The following ADK variants were observed in gnomAD, a reference collection of about 807,000 sequenced individuals.
The protein encoded by ADK is adenosine kinase.
Under a neutral mutation model 44.7 loss-of-function variants are expected in ADK, and 24 were observed. That is an observed-to-expected ratio of 0.54 (90% CI 0.39 to 0.76). The LOEUF (loss-of-function observed/expected upper bound fraction) is 0.76, where lower values mean the gene tolerates loss of function less well. Ranked by LOEUF, ADK falls within the 30% of genes least tolerant of loss-of-function variation. The pLI, the probability that ADK is intolerant of heterozygous loss-of-function variation, is 0.00. For missense variants in ADK, 321 were observed against 425.1 expected (o/e 0.76, Z 2.15); for synonymous variants, 128 against 142.6 (o/e 0.90, Z 0.73).
chr10:74,548,659 A>G (rs1259462966), intron 7 of ADK, among the ~76,000 whole-genome samples: 1 of 152,194 alleles, frequency 6.6e-6, no homozygotes, highest in Non-Finnish European at 1.5e-5. Flanking sequence ...ACACAAAAGG[A>G]ATGGTTGAGA....
intron 6 of ADK, among the ~76,000 whole-genome samples, chr10:74,454,267 T>C (rs1345937246): frequency 6.6e-6 from 1 of 152,194 alleles, no homozygotes; most frequent in Non-Finnish European, 1.5e-5. Context: ...GTGTGCTTGG[T>C]AAATTTGAAG....
intron 3 of ADK, among the ~76,000 whole-genome samples, chr10:74,247,224 G>GTT (rs142274121): frequency 0.43 from 30,964 of 71,942 alleles, 8,593 homozygotes; most frequent in Non-Finnish European, 0.51. Flanking sequence ...TTTTTTTTAA[G>GTT]TTTTTTTTTT....
chr10:74,478,048 A>G (rs1034571907), intron 6 of ADK, among the ~76,000 whole-genome samples: 9 of 152,136 alleles, frequency 5.9e-5, no homozygotes, highest in African/African-American at 2.2e-4. Context: ...GAGGTAATAG[A>G]CATTGCTCTT....
chr10:74,176,782 C>T (rs1842355762), intron 1 of ADK: 4 of 1,585,176 alleles, frequency 2.5e-6, no homozygotes, highest in Non-Finnish European at 1.7e-6. Flanking sequence ...GTGCCTGAGC[C>T]GGGAAGCAGT....
intron 4 of ADK, among the ~76,000 whole-genome samples, chr10:74,364,790 G>A (rs1028643955): frequency 6.6e-6 from 1 of 150,392 alleles, no homozygotes; most frequent in African/African-American, 2.5e-5. Flanking sequence ...ACACTAAGCT[G>A]GAGTGTCAGG....
chr10:74,565,595 C>T (rs953142458), intron 7 of ADK, among the ~76,000 whole-genome samples: 16 of 151,864 alleles, frequency 1.1e-4, no homozygotes, highest in African/African-American at 3.9e-4. Flanking sequence ...GGCATGGTGG[C>T]GCATGCCTGT....
In ADK at chr10:74,539,008, ATTC is replaced by A. The variant is rs374821480; in HGVS notation, c.726+13588_726+13590del. Among the ~76,000 whole-genome samples, 763 of 152,238 alleles carry A rather than the reference ATTC, an allele frequency of 5.0e-3. 4 individuals carry two copies. The highest frequency in any genetic ancestry group is 0.016 in the African/African-American group (682 of 41,564). ...TACATGCATACAACTTCTTTCAGAT[ATTC>A]TTCTTTTGGTTAAGAGCCTTTTTTT... On this transcript the variant is annotated intron_variant, in intron 7 of 10. Coordinates refer to ENST00000539909, the MANE Select transcript of ADK (RefSeq NM_006721.4).
intron 6 of ADK, among the ~76,000 whole-genome samples, chr10:74,500,343 G>A (rs1847847808): frequency 6.6e-6 from 1 of 152,172 alleles, no homozygotes; most frequent in South Asian, 2.1e-4. Context: ...TCTTCGTGAA[G>A]ATTCTGAATT....
At chr10:74,231,098 A>G (rs1359869655) in intron 3 of ADK, among the ~76,000 whole-genome samples, 1 of 152,166 alleles carries the variant, frequency 6.6e-6, no homozygotes, top group African/African-American at 2.4e-5. Flanking sequence ...GGTTTTGGAA[A>G]TCACTTCAGA....
At chr10:74,575,020 A>G (rs1218017121) in intron 7 of ADK, among the ~76,000 whole-genome samples, 3 of 152,248 alleles carry the variant, frequency 2.0e-5, no homozygotes, top group African/African-American at 4.8e-5. Flanking sequence ...ATAATGCAAC[A>G]TAAGAAATAG....
chr10:74,470,906 G>T (rs533282479), intron 6 of ADK, among the ~76,000 whole-genome samples: 1 of 152,024 alleles, frequency 6.6e-6, no homozygotes, highest in Non-Finnish European at 1.5e-5. Context: ...TCTTGGAGTT[G>T]TGTAGTTTTA....
At chr10:74,295,728 C>A (rs1238378789) in intron 3 of ADK, among the ~76,000 whole-genome samples, 1 of 150,564 alleles carries the variant, frequency 6.6e-6, no homozygotes, top group Non-Finnish European at 1.5e-5. Context: ...ACCCTTGAAG[C>A]CTGGAGTTTT....
intron 10 of ADK, among the ~76,000 whole-genome samples, chr10:74,688,165 C>T (rs1855859828): frequency 2.0e-5 from 3 of 152,174 alleles, no homozygotes; most frequent in Admixed American, 2.0e-4. Context: ...CTAGAATGTT[C>T]CTCCCCTACT....
rs149049490 is a variant in ADK, at chr10:74,343,219, C to T, written c.273+28474C>T. On this transcript the variant is annotated intron_variant, in intron 4 of 10. Transcript: ENST00000539909. The stretch of plus-strand genomic sequence containing the variant: ...TACAGTTGACCCTTGCACAACATGG[C>T]GATTGTGGGTGCTGACCCACTGCAT... Among the ~76,000 whole-genome samples, 983 of 152,064 alleles carry T rather than the reference C, an allele frequency of 6.5e-3. 7 individuals carry two copies. The highest frequency in any genetic ancestry group is 0.031 in the Middle Eastern group (9 of 294).
At chr10:74,556,154 G>A (rs939588850) in intron 7 of ADK, among the ~76,000 whole-genome samples, 3 of 152,020 alleles carry the variant, frequency 2.0e-5, no homozygotes, top group Non-Finnish European at 4.4e-5. Flanking sequence ...GCAGCTCCGG[G>A]GCAGCAATTA....
At chr10:74,408,801 G>C (rs1348767958) in intron 6 of ADK, among the ~76,000 whole-genome samples, 2 of 152,084 alleles carry the variant, frequency 1.3e-5, no homozygotes, top group African/African-American at 4.8e-5. Context: ...TCATCATAAA[G>C]GTCTTTATCT....
intron 7 of ADK, among the ~76,000 whole-genome samples, chr10:74,537,157 C>A (rs1480650325): frequency 1.3e-5 from 2 of 152,208 alleles, no homozygotes; most frequent in Non-Finnish European, 2.9e-5. Context: ...CACGAGGTGG[C>A]ATCTCACTTT....
intron 10 of ADK, among the ~76,000 whole-genome samples, chr10:74,673,621 C>G (rs1437774588): frequency 2.0e-5 from 3 of 152,200 alleles, no homozygotes; most frequent in Non-Finnish European, 4.4e-5. Context: ...GCCCTTTTAG[C>G]TTTGCTGTCT....
In ADK at chr10:74,695,472, A is replaced by ATGTG. The variant is rs66502036; in HGVS notation, c.965-12827_965-12824dup. 9.6e-3 allele frequency among the ~76,000 whole-genome samples: 1,426 copies of ATGTG among 148,624 alleles called. 32 individuals are homozygous for ATGTG. The highest frequency in any genetic ancestry group is 0.032 in the African/African-American group (1,289 of 40,518). ...AAAACTGTTGCTCTTGTATATATAT[A>ATGTG]TGTGTGTGTGTGTGTGTGTGTGTGT... is the stretch of plus-strand genomic sequence containing the variant. On this transcript the variant is annotated intron_variant, in intron 10 of 10. Coordinates refer to ENST00000539909, the MANE Select transcript of ADK (RefSeq NM_006721.4).
Sources: gnomAD v4.1 joint callset for allele counts (sites outside exome capture counted in the v4.1 genomes callset) on GRCh38, gnomAD v4.1.1 for gene constraint, MANE v1.5 for transcripts, NCBI Gene and HGNC (gene_info 2026-07-23, HGNC 2026-07-21) for gene names.